Variants in PTPN2 observed in about 807,000 individuals in gnomAD.
The protein encoded by PTPN2 is protein tyrosine phosphatase non-receptor type 2.
PTPN2 carries 19 observed loss-of-function variants against 57.3 expected under a neutral mutation model. That is an observed-to-expected ratio of 0.33 (90% CI 0.23 to 0.49). The LOEUF is 0.49. PTPN2 is among the 20% of genes least tolerant of loss of function. The probability of loss-of-function intolerance (pLI) is 0.99; values close to 1 mark genes in which losing one functional copy is unlikely to be tolerated. For missense variants in PTPN2, 358 were observed against 501.1 expected, an observed-to-expected ratio of 0.71 and a Z score of 2.73; for synonymous variants, 153 against 164.9, an observed-to-expected ratio of 0.93 and a Z score of 0.55.
chr18:12,873,269 CT>C (rs1390226163), intron 1 of PTPN2, among the ~76,000 whole-genome samples: 1 of 130,810 alleles, frequency 7.6e-6, no homozygotes, highest in Admixed American at 7.4e-5. Context: ...TCCTCTCCCT[CT>C]CCCCACGGTC....
At chr18:12,806,585 A>G (rs1160010198) in intron 7 of PTPN2, among the ~76,000 whole-genome samples, 2 of 152,144 alleles carry the variant, frequency 1.3e-5, no homozygotes, top group Non-Finnish European at 2.9e-5. Context: ...TGCTACTATC[A>G]TAAGAACAGG....
At chr18:12,854,276 C>T (rs2043498859) in intron 2 of PTPN2, among the ~76,000 whole-genome samples, 1 of 149,612 alleles carries the variant, frequency 6.7e-6, no homozygotes, top group South Asian at 2.1e-4. Flanking sequence ...GGGAGGATCA[C>T]CTGAGCCTGG....
chr18:12,823,144 T>C (rs1213779837), intron 5 of PTPN2, among the ~76,000 whole-genome samples: 2 of 152,142 alleles, frequency 1.3e-5, no homozygotes, highest in Admixed American at 1.3e-4. Flanking sequence ...TAGTTCTAAT[T>C]AAAAATTATA....
intron 1 of PTPN2, among the ~76,000 whole-genome samples, chr18:12,864,702 C>T (rs1271114504): frequency 2.6e-5 from 4 of 152,076 alleles, no homozygotes; most frequent in Admixed American, 2.6e-4. Flanking sequence ...CTGGCCTGAA[C>T]ATACCTACTT....
At chr18:12,792,084 G>T, downstream of PTPN2, 1 of 390,774 alleles carries the variant, frequency 2.6e-6, no homozygotes, top group Non-Finnish European at 3.5e-6. Flanking sequence ...ATAAAAAAAT[G>T]TCCCTCTTAC....
chr18:12,788,231 T>A (rs188348186), downstream of PTPN2: 37 of 153,478 alleles, frequency 2.4e-4, no homozygotes, highest in African/African-American at 8.9e-4. Context: ...AAGAAAAAAA[T>A]TCCTGTGCAA....
chr18:12,843,709 A>G (rs1016484189), intron 2 of PTPN2, among the ~76,000 whole-genome samples: 2 of 152,164 alleles, frequency 1.3e-5, no homozygotes, highest in South Asian at 4.1e-4. Flanking sequence ...CAGACTCACC[A>G]CAGAGCCCCA....
rs2041063377 is a variant in PTPN2 at position 12,793,855 on chromosome 18, ATTATTTAAATGTCATTT to A, written c.*406_*422del. 39 of 1,024,764 alleles carry A rather than the reference ATTATTTAAATGTCATTT, an allele frequency of 3.8e-5. No individual in the cohort carries two copies. Among genetic ancestry groups the A allele is most frequent in the Non-Finnish European group, 4.5e-5 (38 of 848,420 alleles). 63.5% of individuals were successfully genotyped at this position (1,024,764 alleles called of 1,614,324 possible). ...CAATAGTACATTATACATTACACAC[ATTATTTAAATGTCATTT>A]TCTTTCCAATAACGTAGATAAAACC... On this transcript the variant is annotated 3_prime_UTR_variant, in exon 9 of 9. Transcript: ENST00000309660.
At chr18:12,833,649 T>TA (rs1409503428) in intron 3 of PTPN2, among the ~76,000 whole-genome samples, 1 of 151,750 alleles carries the variant, frequency 6.6e-6, no homozygotes, top group African/African-American at 2.4e-5. Context: ...ATCAGTGAGG[T>TA]AGAAGTGGAG....
rs920226612 is a variant in PTPN2 at position 12,785,745 on chromosome 18, C to T, written c.*78G>A. 1.2e-5 allele frequency: 16 copies of T among 1,356,586 alleles called. No homozygotes were observed. In the East Asian group the frequency reaches 1.4e-4, roughly 12 times the overall value. The allele number at this position is 1,356,586 out of a possible 1,614,324, so 84.0% of individuals were successfully genotyped here. A position where few individuals can be genotyped will look rare whatever the true frequency, so the allele number is the denominator to read the frequency against. ...GGTTAGCGAGCCTCACTTTAGTTTCCGGAGTGGGCTTCAGGTCTTGCTTTG... is the reference window on the plus strand; with the variant it reads ...GGTTAGCGAGCCTCACTTTAGTTTCTGGAGTGGGCTTCAGGTCTTGCTTTG... On this transcript the variant is annotated 3_prime_UTR_variant, in exon 10 of 10. Coordinates refer to the PTPN2 transcript ENST00000327283.
At chr18:12,876,802 C>T (rs2044506278) in intron 1 of PTPN2, among the ~76,000 whole-genome samples, 1 of 152,158 alleles carries the variant, frequency 6.6e-6, no homozygotes, top group African/African-American at 2.4e-5. Context: ...TTGCAAATAC[C>T]TTTCAAGTCT....
chr18:12,842,410 TA>T (rs956256369), intron 2 of PTPN2, among the ~76,000 whole-genome samples: 2 of 152,042 alleles, frequency 1.3e-5, no homozygotes, highest in African/African-American at 4.8e-5. Flanking sequence ...ATATGAGTAA[TA>T]AATGCTAAGA....
In PTPN2 at chr18:12,817,905, C is replaced by T. The variant is rs533081302; in HGVS notation, c.496-540G>A. On this transcript the variant is annotated intron_variant, in intron 5 of 8. Transcript: ENST00000309660. ...CCTGTAATCCCAGCACTTTGGGAGG[C>T]CGAGGTGGGCAGATCACTTGAGGTC... Among the ~76,000 whole-genome samples the T allele has an allele frequency of 6.6e-5, 10 of 152,238 alleles. No homozygotes were observed. In the East Asian group the frequency reaches 1.9e-3, roughly 29 times the overall value.
chr18:12,795,969 G>A (rs2041165642), intron 8 of PTPN2, among the ~76,000 whole-genome samples: 1 of 148,742 alleles, frequency 6.7e-6, no homozygotes, highest in Non-Finnish European at 1.5e-5. Flanking sequence ...CGGGCCTAGT[G>A]CACGATGGTG....
intron 3 of PTPN2, 106 bp downstream of exon 3, chr18:12,836,685 C>A: frequency 4.5e-6 from 3 of 672,962 alleles, no homozygotes; most frequent in South Asian, 2.1e-5. Flanking sequence ...ACTGAAATAC[C>A]ATTTCATTTC....
chr18:12,849,097 CATT>C (rs1369989276), intron 2 of PTPN2, among the ~76,000 whole-genome samples: 4 of 152,178 alleles, frequency 2.6e-5, no homozygotes, highest in African/African-American at 7.2e-5. Context: ...ATCATGTCAT[CATT>C]ATGAGTGATG....
At position 12,812,488 on chromosome 18, in the gene PTPN2, A is replaced by G. The variant is rs748099078; in HGVS notation, c.858+1715T>C. ...GTGGCAGGCACCTGTAATCCCAACT[A>G]CTCGGAAGGCTGAGTGGGGAGAACC... is the stretch of plus-strand genomic sequence containing the variant. On this transcript the variant is annotated intron_variant, in intron 7 of 8. Coordinates refer to ENST00000309660, the MANE Select transcript of PTPN2 (RefSeq NM_002828.4). Among the ~76,000 whole-genome samples, 78 of 152,026 alleles carry G rather than the reference A, an allele frequency of 5.1e-4. 1 individual carries two copies. Among genetic ancestry groups the G allele is most frequent in the Non-Finnish European group, 2.8e-4 (19 of 68,012 alleles).
At chr18:12,871,417 G>C (rs2044265835) in intron 1 of PTPN2, among the ~76,000 whole-genome samples, 1 of 152,106 alleles carries the variant, frequency 6.6e-6, no homozygotes, top group Non-Finnish European at 1.5e-5. Flanking sequence ...TGTTATTATT[G>C]TGAAGGTGAA....
At chr18:12,858,317 G>A (rs980850574) in intron 2 of PTPN2, among the ~76,000 whole-genome samples, 1 of 152,090 alleles carries the variant, frequency 6.6e-6, no homozygotes, top group African/African-American at 2.4e-5. Flanking sequence ...TCAAACATAG[G>A]GAAATATGCT....
Sources: allele counts gnomAD v4.1 joint callset (sites outside exome capture counted in the v4.1 genomes callset), GRCh38; gene constraint gnomAD v4.1.1; transcripts MANE v1.5; gene names NCBI Gene and HGNC (gene_info 2026-07-23, HGNC 2026-07-21).